The following KIF17 variants were observed in gnomAD, a reference collection of about 807,000 sequenced individuals.
KIF17 encodes kinesin family member 17.
KIF17 carries 80 observed loss-of-function variants against 96.8 expected under a neutral mutation model. That is an observed-to-expected ratio of 0.83 (90% CI 0.69 to 1.00). KIF17 has a LOEUF of 1.00. Among genes scored for constraint, KIF17 ranks in the 50% least tolerant of loss-of-function variants. KIF17 has a pLI of 0.00. For missense variants in KIF17, 1,280 were observed against 1,372.9 expected, an observed-to-expected ratio of 0.93 and a Z score of 1.07; for synonymous variants, 567 against 587.5, an observed-to-expected ratio of 0.97 and a Z score of 0.51.
At position 20,686,071 on chromosome 1, in the gene KIF17, G is replaced by A. The variant is rs748540355; in HGVS notation, c.1994C>T (p.Ala665Val). The part of the protein sequence containing the change: ...EPSDARPEAE[A>V]ADDFPPRPEV... The stretch of plus-strand genomic sequence containing the variant: ...AGGCCTGGGCGGGAAGTCATCAGCC[G>A]CCTCGGCTTCGGGCCTGGCATCACT... Residue 665 changes from alanine (A) to valine (V), a missense_variant, in exon 9 of 15, where the codon GCG (alanine) becomes GTG (valine). Transcript: ENST00000400463. 18 of 1,560,924 alleles carry A rather than the reference G, an allele frequency of 1.2e-5. No homozygotes were observed. Among genetic ancestry groups the A allele is most frequent in the Middle Eastern group, 1.7e-4 (1 of 5,992 alleles).
At chr1:20,673,626 G>C (rs532275643) in intron 11 of KIF17, among the ~76,000 whole-genome samples, 1 of 151,590 alleles carries the variant, frequency 6.6e-6, no homozygotes, top group Non-Finnish European at 1.5e-5. Context: ...TGACTCCAGG[G>C]TTTGAGCGAT....
At chr1:20,714,641 A>G (rs1246217456) in intron 2 of KIF17, among the ~76,000 whole-genome samples, 1 of 151,848 alleles carries the variant, frequency 6.6e-6, no homozygotes, top group Admixed American at 6.6e-5. Flanking sequence ...TACTAAAAGT[A>G]CAAAAATTAG....
intron 13 of KIF17, among the ~76,000 whole-genome samples, chr1:20,666,634 G>T (rs1038599511): frequency 3.9e-5 from 6 of 152,160 alleles, no homozygotes; most frequent in African/African-American, 2.4e-5. Flanking sequence ...AGGGTGTCCT[G>T]CCAGCTCCAA....
chr1:20,662,711 G>C (rs2053457723), downstream of KIF17, among the ~76,000 whole-genome samples: 1 of 152,216 alleles, frequency 6.6e-6, no homozygotes, highest in African/African-American at 2.4e-5. Flanking sequence ...CATCTCAGCA[G>C]CCTCGTCCCC....
At chr1:20,711,579 T>C (rs1018851843) in intron 3 of KIF17, among the ~76,000 whole-genome samples, 1 of 152,120 alleles carries the variant, frequency 6.6e-6, no homozygotes, top group Non-Finnish European at 1.5e-5. Context: ...CCTTGACACT[T>C]TGCCTGGACA....
chr1:20,687,311 G>A lies in KIF17; in HGVS notation c.1938+77C>T, dbSNP rs889932275. 8.7e-6 allele frequency: 13 copies of A among 1,486,268 alleles called. 1 individual carries two copies. Among genetic ancestry groups the A allele is most frequent in the Non-Finnish European group, 1.1e-5 (12 of 1,066,760 alleles). 92.1% of individuals were successfully genotyped at this position (1,486,268 alleles called of 1,614,324 possible). On this transcript the variant is annotated intron_variant, in intron 8 of 14. Coordinates refer to ENST00000400463, the MANE Select transcript of KIF17 (RefSeq NM_001122819.3). The surrounding 1 kb of genome is among the most constrained non-coding windows in gnomAD (Gnocchi z 4.4). ...CGGAGGCCATGTGTGTGAACAGTGT[G>A]TGCACAGTGAGCTCCGGGCCCTGGG... is the stretch of plus-strand genomic sequence containing the variant.
chr1:20,681,540 G>A (rs1463006830), intron 11 of KIF17, among the ~76,000 whole-genome samples: 2 of 152,136 alleles, frequency 1.3e-5, no homozygotes, highest in East Asian at 1.9e-4. Flanking sequence ...ATGCCAGGAC[G>A]GTGGTGGGGG....
At position 20,682,801 on chromosome 1, in the gene KIF17, C is replaced by T. The variant is rs139870251; in HGVS notation, c.2315G>A (p.Arg772His). The change falls in exon 11 of 15, where the codon CGC becomes CAC. Residue 772 changes from arginine to histidine, a missense_variant. Coordinates refer to ENST00000400463, the MANE Select transcript of KIF17 (RefSeq NM_001122819.3). ...DLKEKHKRRK[R>H]YADERRKQLV... ...CTGCTTCCTGCGCTCGTCTGCGTAG[C>T]GCTTGCGCCGCTTGTGCTTCTCCTT... 1.4e-4 allele frequency: 223 copies of T among 1,612,668 alleles called. No individual in the cohort carries two copies. The highest frequency in any genetic ancestry group is 1.4e-4 in the Non-Finnish European group (167 of 1,180,040).
intron 5 of KIF17, among the ~76,000 whole-genome samples, chr1:20,701,401 A>T (rs888819515): frequency 6.6e-6 from 1 of 152,192 alleles, no homozygotes; most frequent in Non-Finnish European, 1.5e-5. Flanking sequence ...ACTGCACTCC[A>T]GCCTGGGCGG....
chr1:20,686,115 C>A lies in KIF17; in HGVS notation c.1950G>T (p.Pro650=), dbSNP rs1421523113. ...VPKVPVQVPA[P]TDLLEPSDAR... The stretch of plus-strand genomic sequence containing the variant: ...CATCACTGGGCTCCAGCAGGTCTGT[C>A]GGCGCAGGGACCTGGGAGGAAAGAG... Residue 650 remains proline, a synonymous_variant, in exon 9 of 15, where the codon CCG becomes CCT. Coordinates refer to ENST00000400463, the MANE Select transcript of KIF17 (RefSeq NM_001122819.3). 1.9e-6 allele frequency: 3 copies of A among 1,567,116 alleles called. No individual in the cohort carries two copies. The highest frequency in any genetic ancestry group is 1.7e-6 in the Non-Finnish European group (2 of 1,155,718).
intron 11 of KIF17, among the ~76,000 whole-genome samples, chr1:20,676,567 A>G (rs2053739695): frequency 6.6e-6 from 1 of 152,246 alleles, no homozygotes; most frequent in Admixed American, 6.5e-5. Flanking sequence ...ACAGTGGCTC[A>G]CGCCTGTAAT....
chr1:20,717,746 CG>C lies in KIF17; in HGVS notation c.-41del. On this transcript the variant is annotated 5_prime_UTR_variant, in exon 1 of 15. Transcript: ENST00000400463. ...GACCAACGGGACCAGAGCTGACCCC[CG>C]CCCCGCCGGGGACTCCCAGCAGCCC... The C allele has an allele frequency of 6.6e-7, 1 of 1,511,208 alleles. No homozygotes were observed. The highest frequency in any genetic ancestry group is 8.8e-7 in the Non-Finnish European group (1 of 1,136,972). 93.6% of individuals were successfully genotyped at this position (1,511,208 alleles called of 1,614,324 possible).
At chr1:20,688,044 G>GA (rs2053971634) in intron 7 of KIF17, 100 bp from the exon 8 acceptor site, 1 of 918,620 alleles carries the variant, frequency 1.1e-6, no homozygotes, top group Non-Finnish European at 1.6e-6. Context: ...TTTTTTGTTT[G>GA]TTTTTTTTTT....
chr1:20,695,551 C>T (rs945885132), intron 6 of KIF17, among the ~76,000 whole-genome samples: 1 of 152,136 alleles, frequency 6.6e-6, no homozygotes, highest in African/African-American at 2.4e-5. Context: ...ATGGCTGAGC[C>T]CACAGCCCCA....
In KIF17 at chr1:20,712,724, TTA is replaced by T. The variant is rs1557606682; in HGVS notation, c.480+728_480+729del. On this transcript the variant is annotated intron_variant, in intron 3 of 14. Coordinates refer to ENST00000400463, the MANE Select transcript of KIF17 (RefSeq NM_001122819.3). ...AATATTATCTATATATAAAATTATA[TTA>T]TATCTATATATATTATATATATAAA... Among the ~76,000 whole-genome samples the T allele has an allele frequency of 3.9e-4, 10 of 25,738 alleles. 1 individual carries two copies. Among genetic ancestry groups the T allele is most frequent in the South Asian group, 1.1e-3 (1 of 928 alleles). The allele number at this position is 25,738 out of a possible 152,430, so 16.9% of individuals were successfully genotyped here. A position where few individuals can be genotyped will look rare whatever the true frequency, so the allele number is the denominator to read the frequency against.
intron 11 of KIF17, among the ~76,000 whole-genome samples, chr1:20,677,837 C>G (rs1248798132): frequency 6.6e-6 from 1 of 152,236 alleles, no homozygotes; most frequent in African/African-American, 2.4e-5. Context: ...GCCTGAGCAA[C>G]AGAGCGAGAC....
At chr1:20,673,629 T>G (rs867772895) in intron 11 of KIF17, among the ~76,000 whole-genome samples, 1 of 151,304 alleles carries the variant, frequency 6.6e-6, no homozygotes, top group East Asian at 1.9e-4. Flanking sequence ...CTCCAGGGTT[T>G]GAGCGATTGT....
intron 2 of KIF17, among the ~76,000 whole-genome samples, chr1:20,715,284 A>T (rs1327727845): frequency 3.3e-5 from 5 of 152,242 alleles, no homozygotes; most frequent in Non-Finnish European, 7.3e-5. Context: ...AAGGGTTAGA[A>T]GGCAAAAATG....
chr1:20,670,353 G>T, intron 13 of KIF17, 68 bp downstream of exon 13: 1 of 1,430,078 alleles, frequency 7.0e-7, no homozygotes, highest in Non-Finnish European at 9.8e-7. Context: ...CAGTAACACT[G>T]ACCCACAGCA....
Sources: allele counts gnomAD v4.1 joint callset (sites outside exome capture counted in the v4.1 genomes callset), GRCh38; gene constraint gnomAD v4.1.1; non-coding constraint Gnocchi (gnomAD v3.1); transcripts MANE v1.5; gene names NCBI Gene and HGNC (gene_info 2026-07-23, HGNC 2026-07-21).